ITSN1: variants seen among roughly 807,000 people sequenced by gnomAD.
ITSN1 encodes intersectin-1.
ITSN1 carries 58 observed loss-of-function variants against 239.8 expected under a neutral mutation model. The ratio of observed to expected loss-of-function variants is 0.24; its 90% confidence interval spans 0.20 to 0.30. The LOEUF (loss-of-function observed/expected upper bound fraction) is 0.30. ITSN1 is among the 10% of genes least tolerant of loss of function. The pLI, the probability that ITSN1 is intolerant of heterozygous loss-of-function variation, is 1.00. For missense variants in ITSN1, 1,558 were observed against 2,103.3 expected, an observed-to-expected ratio of 0.74 and a Z score of 5.07; for synonymous variants, 780 against 770.8, an observed-to-expected ratio of 1.01 and a Z score of -0.20.
At chr21:33,851,124 G>A (rs1237136231) in intron 29 of ITSN1, among the ~76,000 whole-genome samples, 1 of 152,118 alleles carries the variant, frequency 6.6e-6, no homozygotes, top group Non-Finnish European at 1.5e-5. Context: ...CATTTGTTCT[G>A]GCATCACAAT....
chr21:33,730,949 G>A lies in ITSN1; in HGVS notation c.186-4095G>A, dbSNP rs923410931. On this transcript the variant is annotated intron_variant, in intron 4 of 39. Coordinates refer to ENST00000381318, the MANE Select transcript of ITSN1 (RefSeq NM_003024.3). Reference sequence around the variant, plus strand: ...GACCTCAGGTGATCCACCTGCCTCGGCCTCCCAAAGTGCTGGGATTAGAGG... The same window carrying A: ...GACCTCAGGTGATCCACCTGCCTCGACCTCCCAAAGTGCTGGGATTAGAGG... Among the ~76,000 whole-genome samples the A allele has an allele frequency of 3.9e-5, 6 of 152,030 alleles. No individual in the cohort carries two copies. The East Asian group carries it at 5.8e-4, about 15-fold the overall frequency.
chr21:33,746,715 G>A lies in ITSN1; in HGVS notation c.347-3428G>A, dbSNP rs140782440. 1.9e-3 allele frequency among the ~76,000 whole-genome samples: 282 copies of A among 151,874 alleles called. 1 individual carries two copies. Among genetic ancestry groups the A allele is most frequent in the African/African-American group, 6.5e-3 (269 of 41,408 alleles). On this transcript the variant is annotated intron_variant, in intron 5 of 39. Transcript: ENST00000381318. The stretch of plus-strand genomic sequence containing the variant: ...AAATTAGCTGGACATGATGGCAGGC[G>A]CCTATAATCCCAGCTATGTGGGAGG...
chr21:33,681,126 C>T (rs569396532), intron 1 of ITSN1, among the ~76,000 whole-genome samples: 1 of 152,088 alleles, frequency 6.6e-6, no homozygotes, highest in Admixed American at 6.6e-5. Context: ...AAATATTTAC[C>T]CGCCCGGGGA....
chr21:33,849,363 G>C (rs2409500), intron 29 of ITSN1, among the ~76,000 whole-genome samples: 78,186 of 151,508 alleles, frequency 0.52, 22,238 homozygotes, highest in African/African-American at 0.75. Context: ...GCCAGGAGTT[G>C]AAGACCAGCC....
At chr21:33,679,763 G>T (rs1039864521) in intron 1 of ITSN1, among the ~76,000 whole-genome samples, 36 of 141,796 alleles carry the variant, frequency 2.5e-4, no homozygotes, top group African/African-American at 9.5e-4. Flanking sequence ...GAGTGCAGTG[G>T]CAGAGCTCAC....
At chr21:33,823,768 A>G (rs1282728364) in intron 25 of ITSN1, 115 bp downstream of exon 25, 21 of 929,840 alleles carry the variant, frequency 2.3e-5, no homozygotes, top group Middle Eastern at 4.6e-4. Context: ...GGAATGTGAC[A>G]GTAAATCCAG....
rs150951132 is a variant in ITSN1, at chr21:33,759,043, T to C, written c.725-2880T>C. 1.5e-4 allele frequency among the ~76,000 whole-genome samples: 23 copies of C among 152,328 alleles called. No individual in the cohort carries two copies. In the East Asian group the frequency reaches 4.2e-3, roughly 28 times the overall value. ...CAAATAGTAGAATTACAAGAGATAA[T>C]TGTGATCTTCTAGTGTGGGGATTGG... is the stretch of plus-strand genomic sequence containing the variant. On this transcript the variant is annotated intron_variant, in intron 8 of 39. Transcript: ENST00000381318.
At chr21:33,813,805 C>A in intron 21 of ITSN1, 108 bp from the exon 22 acceptor site, 1 of 852,864 alleles carries the variant, frequency 1.2e-6, no homozygotes, top group Non-Finnish European at 1.7e-6. Context: ...AAAAAGCTGG[C>A]ATATTAGGGA....
At chr21:33,755,027 T>C (rs2067815645) in intron 7 of ITSN1, among the ~76,000 whole-genome samples, 1 of 152,324 alleles carries the variant, frequency 6.6e-6, no homozygotes, top group South Asian at 2.1e-4. Flanking sequence ...CTTTAAATTA[T>C]TATATATACA....
intron 12 of ITSN1, 99 bp downstream of exon 12, chr21:33,772,422 A>T: frequency 1.4e-6 from 2 of 1,408,414 alleles, no homozygotes; most frequent in South Asian, 2.8e-5. Flanking sequence ...TCTTTTTACA[A>T]TTCAGTAGTT....
intron 33 of ITSN1, among the ~76,000 whole-genome samples, chr21:33,871,164 A>T (rs1982646048): frequency 6.6e-6 from 1 of 150,854 alleles, no homozygotes; most frequent in Non-Finnish European, 1.5e-5. Context: ...CCCAAATTTT[A>T]TTCTGGGGAA....
chr21:33,830,500 A>G lies in ITSN1; in HGVS notation c.3351+755A>G, dbSNP rs575729303. Among the ~76,000 whole-genome samples the G allele has an allele frequency of 1.8e-4, 28 of 152,232 alleles. No homozygotes were observed. In the South Asian group the frequency reaches 4.8e-3, roughly 26 times the overall value. ...ATGAGCAGTGGGGAGACCAGAGGAC[A>G]TGGTGTGTGTACAGCTGTGCCGGGA... On this transcript the variant is annotated intron_variant, in intron 27 of 39. Coordinates refer to ENST00000381318, the MANE Select transcript of ITSN1 (RefSeq NM_003024.3).
At chr21:33,662,360 C>T (rs1253107035) in intron 1 of ITSN1, among the ~76,000 whole-genome samples, 3 of 152,154 alleles carry the variant, frequency 2.0e-5, no homozygotes, top group Admixed American at 6.5e-5. Context: ...ATTTACAAAT[C>T]CCATCATAAC....
chr21:33,822,470 A>G (rs2073743735), intron 24 of ITSN1, among the ~76,000 whole-genome samples: 1 of 152,188 alleles, frequency 6.6e-6, no homozygotes, highest in Non-Finnish European at 1.5e-5. Context: ...GATAAAATGG[A>G]GAAAAAGGGG....
chr21:33,837,947 A>G (rs1423885316), intron 29 of ITSN1: 3 of 985,740 alleles, frequency 3.0e-6, no homozygotes, highest in Admixed American at 6.1e-5. Context: ...GTTTTATTCC[A>G]GTTACTTTTC....
At chr21:33,680,966 G>C (rs1381064788) in intron 1 of ITSN1, among the ~76,000 whole-genome samples, 1 of 152,196 alleles carries the variant, frequency 6.6e-6, no homozygotes, top group Non-Finnish European at 1.5e-5. Context: ...AATCTCAGTA[G>C]TTTACGACAA....
intron 5 of ITSN1, 144 bp downstream of exon 5, chr21:33,735,348 T>C (rs1041026349): frequency 2.4e-6 from 2 of 826,982 alleles, no homozygotes; most frequent in African/African-American, 1.7e-5. Flanking sequence ...TGCAGGAAGA[T>C]AGTGCTGGGG....
At chr21:33,642,775 C>G (rs1257029338) in intron 1 of ITSN1, 62 bp downstream of exon 1, 1 of 152,940 alleles carries the variant, frequency 6.5e-6, no homozygotes, top group Non-Finnish European at 1.5e-5. Context: ...GGGCGGGGGT[C>G]GGCGCGGGGG....
chr21:33,833,617 C>G lies in ITSN1; in HGVS notation c.3352-690C>G, dbSNP rs190649833. ...GCGCGGTGGCGCACGCCTGTAATCC[C>G]AGCACTTTGGGAGGCCGAGGGGTGC... On this transcript the variant is annotated intron_variant, in intron 27 of 39. Transcript: ENST00000381318. 5.1e-3 allele frequency among the ~76,000 whole-genome samples: 770 copies of G among 152,324 alleles called. 3 individuals carry two copies. The highest frequency in any genetic ancestry group is 0.034 in the Middle Eastern group (10 of 294).
Sources: gnomAD v4.1 joint callset for allele counts (sites outside exome capture counted in the v4.1 genomes callset) on GRCh38, gnomAD v4.1.1 for gene constraint, MANE v1.5 for transcripts, NCBI Gene and HGNC (gene_info 2026-07-23, HGNC 2026-07-21) for gene names.